Variants in MAGI2 observed in about 807,000 individuals in gnomAD.
MAGI2 encodes the protein membrane-associated guanylate kinase, WW and PDZ domain-containing protein 2.
Under a neutral mutation model 133.3 loss-of-function variants are expected in MAGI2, and 35 were observed. The observed-to-expected ratio is 0.26, with a 90% CI of 0.20 to 0.35. MAGI2 has a LOEUF of 0.35. Ranked by LOEUF, MAGI2 falls within the 10% of genes least tolerant of loss-of-function variation. The probability of loss-of-function intolerance (pLI) is 1.00; values close to 1 mark genes in which losing one functional copy is unlikely to be tolerated. For missense variants in MAGI2, 1,636 were observed against 1,863.4 expected (o/e 0.88, Z 2.25); for synonymous variants, 729 against 710.6 (o/e 1.03, Z -0.41).
intron 2 of MAGI2, among the ~76,000 whole-genome samples, chr7:78,931,386 A>T (rs927401697): frequency 6.6e-6 from 1 of 152,030 alleles, no homozygotes; most frequent in Non-Finnish European, 1.5e-5. Flanking sequence ...GCTCTCTTGA[A>T]GTTAGGTGTA....
intron 3 of MAGI2, among the ~76,000 whole-genome samples, chr7:78,555,237 G>C (rs1348097918): frequency 1.3e-5 from 2 of 149,688 alleles, no homozygotes; most frequent in Non-Finnish European, 3.0e-5. Flanking sequence ...TAGATAGATA[G>C]ATAGATAGAT....
At chr7:78,753,858 G>A (rs1823689054) in intron 2 of MAGI2, among the ~76,000 whole-genome samples, 1 of 152,078 alleles carries the variant, frequency 6.6e-6, no homozygotes, top group African/African-American at 2.4e-5. Context: ...TCTCCTCAGA[G>A]ACAATGGAGG....
intron 6 of MAGI2, among the ~76,000 whole-genome samples, chr7:78,406,313 T>C (rs1797369083): frequency 1.3e-5 from 2 of 152,164 alleles, no homozygotes; most frequent in South Asian, 4.1e-4. Flanking sequence ...GTATTTAAAT[T>C]TAACCTTTGT....
Position 78,417,467 on chromosome 7 carries a change from G to T in MAGI2, c.1046-48254C>A, listed in dbSNP as rs143531425. On this transcript the variant is annotated intron_variant, in intron 6 of 21. Transcript: ENST00000354212. ...CCAAAAGTTTATCAATCACTCCCTC[G>T]TTAGTGCCACATCTACAATCTTTTA... 3.2e-3 allele frequency among the ~76,000 whole-genome samples: 493 copies of T among 152,052 alleles called. 4 individuals are homozygous for T. Among genetic ancestry groups the T allele is most frequent in the African/African-American group, 0.012 (478 of 41,482 alleles).
intron 20 of MAGI2, among the ~76,000 whole-genome samples, chr7:78,104,798 T>C (rs10232075): frequency 0.029 from 4,458 of 152,248 alleles, 208 homozygotes; most frequent in African/African-American, 0.1. Flanking sequence ...TCCCACCTCC[T>C]TTCAGATGAA....
At chr7:78,687,251 T>A (rs888176692) in intron 2 of MAGI2, among the ~76,000 whole-genome samples, 1 of 152,048 alleles carries the variant, frequency 6.6e-6, no homozygotes, top group African/African-American at 2.4e-5. Context: ...CGATCAGGAG[T>A]ATATAAACGC....
At chr7:78,851,618 G>T (rs1053979295) in intron 2 of MAGI2, among the ~76,000 whole-genome samples, 4 of 151,990 alleles carry the variant, frequency 2.6e-5, no homozygotes, top group Non-Finnish European at 4.4e-5. Context: ...CCTAGGTATA[G>T]CTAAACAAAT....
intron 18 of MAGI2, among the ~76,000 whole-genome samples, chr7:78,129,935 C>CAAAAAAAAAAAAAAAAAAAAAAAAAAAAA (rs61675652): frequency 1.8e-5 from 1 of 57,142 alleles, no homozygotes; most frequent in African/African-American, 7.0e-5. Context: ...AACTCCGCCT[C>CAAAAAAAAAAAAAAAAAAAAAAAAAAAAA]AAAAAAAAAA....
chr7:79,398,973 T>C (rs985156532), intron 1 of MAGI2, among the ~76,000 whole-genome samples: 2 of 152,108 alleles, frequency 1.3e-5, no homozygotes, highest in Non-Finnish European at 2.9e-5. Flanking sequence ...AGCTATTCCA[T>C]GTTCAAAATA....
chr7:78,630,386 T>C (rs38121), intron 2 of MAGI2, among the ~76,000 whole-genome samples: 93,906 of 148,668 alleles, frequency 0.63, 30,151 homozygotes, highest in East Asian at 0.86. Context: ...CCAGCTGAAA[T>C]GTGGTGTACT....
chr7:78,277,047 C>A (rs77895451), intron 9 of MAGI2, among the ~76,000 whole-genome samples: 2,147 of 152,280 alleles, frequency 0.014, 44 homozygotes, highest in African/African-American at 0.048. Context: ...ACTAATTTAA[C>A]TACTAGTTGT....
chr7:78,969,746 C>G (rs771731689), intron 2 of MAGI2, among the ~76,000 whole-genome samples: 1 of 151,944 alleles, frequency 6.6e-6, no homozygotes, highest in African/African-American at 2.4e-5. Context: ...GCAGTTGACT[C>G]GAAATTACTG....
chr7:79,002,361 C>T (rs1806956553), intron 2 of MAGI2, among the ~76,000 whole-genome samples: 1 of 151,626 alleles, frequency 6.6e-6, no homozygotes, highest in Non-Finnish European at 1.5e-5. Context: ...CCAGGCTGGT[C>T]TCAAACTTCT....
At chr7:78,325,209 G>T (rs1788462045) in intron 9 of MAGI2, among the ~76,000 whole-genome samples, 3 of 152,100 alleles carry the variant, frequency 2.0e-5, no homozygotes, top group Admixed American at 1.3e-4. Context: ...TAGGCTAAAT[G>T]AATCCTATTG....
At position 78,019,834 on chromosome 7, in the gene MAGI2, G is replaced by T. The variant is rs775206160; in HGVS notation, c.3849C>A (p.Gly1283=). The T allele has an allele frequency of 5.0e-6, 8 of 1,613,508 alleles. No individual in the cohort carries two copies. Among genetic ancestry groups the T allele is most frequent in the South Asian group, 2.2e-5 (2 of 91,066 alleles). The change falls in exon 22 of 22, where the codon GGC becomes GGA. Residue 1283 remains glycine (G), a synonymous_variant. Transcript: ENST00000354212. ...PSDPSHQISP[G]PTWDIKREHD... ...GTTCCCGTTTGATATCCCAAGTTGG[G>T]CCTGGGCTTATCTGGTGGGAAGGGT...
intron 4 of MAGI2, among the ~76,000 whole-genome samples, chr7:78,509,193 C>T (rs1381555460): frequency 2.0e-5 from 3 of 151,940 alleles, no homozygotes; most frequent in Non-Finnish European, 2.9e-5. Context: ...AACACCTCTT[C>T]TTAAAGGATG....
chr7:78,462,826 G>A (rs530724780), intron 6 of MAGI2, among the ~76,000 whole-genome samples: 2 of 152,186 alleles, frequency 1.3e-5, no homozygotes, highest in Non-Finnish European at 2.9e-5. Flanking sequence ...CTCCTGCCTT[G>A]ACAAACCCGC....
At chr7:79,345,993 T>C (rs2129105111) in intron 1 of MAGI2, among the ~76,000 whole-genome samples, 1 of 152,208 alleles carries the variant, frequency 6.6e-6, no homozygotes, top group Non-Finnish European at 1.5e-5. Flanking sequence ...TGCTCATAGG[T>C]AAACCATTTC....
intron 10 of MAGI2, among the ~76,000 whole-genome samples, chr7:78,229,561 T>C (rs1222114997): frequency 2.6e-5 from 4 of 152,234 alleles, no homozygotes; most frequent in Admixed American, 2.6e-4. Context: ...GGTGTGGCAC[T>C]GTGCTAGGTC....
Sources: allele counts gnomAD v4.1 joint callset (sites outside exome capture counted in the v4.1 genomes callset), GRCh38; gene constraint gnomAD v4.1.1; transcripts MANE v1.5; gene names NCBI Gene and HGNC (gene_info 2026-07-23, HGNC 2026-07-21).